Variants in BATF3 observed in about 807,000 individuals in gnomAD.
The protein encoded by BATF3 is basic leucine zipper ATF-like transcription factor 3.
BATF3 carries 8 observed loss-of-function variants against 16.1 expected under a neutral mutation model. The observed-to-expected ratio is 0.50, with a 90% confidence interval of 0.29 to 0.90. BATF3 has a LOEUF of 0.90. Among genes scored for constraint, BATF3 ranks in the 40% least tolerant of loss-of-function variants. BATF3 has a pLI of 0.08. For synonymous variants in BATF3, 74 were observed against 72.7 expected (o/e 1.02, Z -0.09); for missense variants, 139 against 167.0 (o/e 0.83, Z 0.92).
rs1451677675 is a variant in BATF3, at chr1:212,689,946, ACAGT to A, written c.196-2971_196-2968del. ...TCTCACACACATACACAATCAACAC[ACAGT>A]CACACAAACACTCTCACAGTCACAC... On this transcript the variant is annotated intron_variant, in intron 2 of 2. Transcript: ENST00000243440. This position sits in a 1 kb window ranked among gnomAD's most constrained non-coding sequence, Gnocchi z 4.6. Among the ~76,000 whole-genome samples, 2 of 151,116 alleles carry A rather than the reference ACAGT, an allele frequency of 1.3e-5. No individual in the cohort carries two copies. The highest frequency in any genetic ancestry group is 2.9e-5 in the Non-Finnish European group (2 of 67,890).
At chr1:212,692,779 C>A (rs745544234) in intron 2 of BATF3, among the ~76,000 whole-genome samples, 2 of 152,178 alleles carry the variant, frequency 1.3e-5, no homozygotes, top group Non-Finnish European at 2.9e-5. Flanking sequence ...AAATATCCCC[C>A]CTCAGGATAT....
At chr1:212,695,834 G>A (rs568842529) in intron 2 of BATF3, among the ~76,000 whole-genome samples, 1 of 152,328 alleles carries the variant, frequency 6.6e-6, no homozygotes, top group African/African-American at 2.4e-5. Flanking sequence ...TATGCATGAG[G>A]GCGGAGGGAA....
At position 212,689,487 on chromosome 1, in the gene BATF3, T is replaced by C. The variant is rs1294837099; in HGVS notation, c.196-2508A>G. 6.6e-6 allele frequency among the ~76,000 whole-genome samples: 1 copy of C among 152,148 alleles called. No individual in the cohort carries two copies. The highest frequency in any genetic ancestry group is 1.5e-5 in the Non-Finnish European group (1 of 68,028). ...TGGCCCCATTCTGCCTCTATCCTCC[T>C]CCCTGCCTCCCACTCCCAAGCCTTC... is the stretch of plus-strand genomic sequence containing the variant. On this transcript the variant is annotated intron_variant, in intron 2 of 2. Transcript: ENST00000243440. This position sits in a 1 kb window ranked among gnomAD's most constrained non-coding sequence, Gnocchi z 4.6.
Position 212,699,042 on chromosome 1 carries a change from G to C in BATF3, c.90+631C>G, listed in dbSNP as rs922214748. 2.6e-5 allele frequency among the ~76,000 whole-genome samples: 4 copies of C among 152,242 alleles called. No individual in the cohort carries two copies. On this transcript the variant is annotated intron_variant, in intron 1 of 2. Transcript: ENST00000243440. The surrounding 1 kb of genome is among the most constrained non-coding windows in gnomAD (Gnocchi z 4.4). Reference sequence around the variant, plus strand: ...AGGATGAAAAGACCCAGTCTTCGTCGTAAGGCAGGTGGCCAAGACCCAGGC... The same window carrying C: ...AGGATGAAAAGACCCAGTCTTCGTCCTAAGGCAGGTGGCCAAGACCCAGGC...
In BATF3 at chr1:212,697,077, C is replaced by A. The variant is rs1558022173; in HGVS notation, c.91-12G>T. ...TCATCCTCAGGGCTCTGGGGAAAAA[C>A]ACTGGGTGGGTGTGATGTCGTGGCC... On this transcript the variant is annotated splice_polypyrimidine_tract_variant and intron_variant, in intron 1 of 2. Transcript: ENST00000243440. 3 of 1,609,176 alleles carry A rather than the reference C, an allele frequency of 1.9e-6. No homozygotes were observed. Among genetic ancestry groups the A allele is most frequent in the South Asian group, 2.2e-5 (2 of 90,996 alleles).
In BATF3 at chr1:212,699,784, G is replaced by C. The variant is rs1345715930; in HGVS notation, c.-22C>G. 1.4e-4 allele frequency: 168 copies of C among 1,180,350 alleles called. No individual in the cohort carries two copies. The highest frequency in any genetic ancestry group is 1.6e-4 in the Non-Finnish European group (153 of 955,578). The allele number at this position is 1,180,350 out of a possible 1,614,324, so 73.1% of individuals were successfully genotyped here. On this transcript the variant is annotated 5_prime_UTR_variant, in exon 1 of 3. Coordinates refer to ENST00000243440, the MANE Select transcript of BATF3 (RefSeq NM_018664.3). The surrounding 1 kb of genome is among the most constrained non-coding windows in gnomAD (Gnocchi z 4.4). ...ACATGCCGGGCGCTCCTCTGGCCCG[G>C]CCCGCCCCGCCCCGCCCGCGCGCCC... is the stretch of plus-strand genomic sequence containing the variant.
chr1:212,688,423 T>C (rs975545038), intron 2 of BATF3, among the ~76,000 whole-genome samples: 5 of 152,266 alleles, frequency 3.3e-5, no homozygotes, highest in Non-Finnish European at 7.3e-5. Flanking sequence ...TCTCTGAGCC[T>C]GCAGAGAAAT....
intron 1 of BATF3, 110 bp from the exon 2 acceptor site, chr1:212,697,175 T>A: frequency 1.2e-6 from 1 of 815,800 alleles, no homozygotes; most frequent in Non-Finnish European, 2.0e-6. Flanking sequence ...TGCTTTGCAG[T>A]AGACAGCACC....
chr1:212,693,477 T>C (rs1657050245), intron 2 of BATF3, among the ~76,000 whole-genome samples: 1 of 152,166 alleles, frequency 6.6e-6, no homozygotes, highest in Admixed American at 6.5e-5. Context: ...GCTGAGGTGA[T>C]CTGCCAGTGG....
At chr1:212,687,720 G>A (rs1314828994) in intron 2 of BATF3, among the ~76,000 whole-genome samples, 1 of 151,966 alleles carries the variant, frequency 6.6e-6, no homozygotes. Context: ...AAGGCCAGGA[G>A]TTTGAGACCA....
chr1:212,695,829 A>C (rs1657114264), intron 2 of BATF3, among the ~76,000 whole-genome samples: 1 of 152,212 alleles, frequency 6.6e-6, no homozygotes, highest in Non-Finnish European at 1.5e-5. Context: ...AGGTGTATGC[A>C]TGAGGGCGGA....
Position 212,699,612 on chromosome 1 carries a change from G to GC in BATF3, c.90+60dup. On this transcript the variant is annotated intron_variant, in intron 1 of 2. Coordinates refer to ENST00000243440, the MANE Select transcript of BATF3 (RefSeq NM_018664.3). The surrounding 1 kb of genome is among the most constrained non-coding windows in gnomAD (Gnocchi z 4.4). ...ACGGAACTCCAGCACCCACCTCCTC[G>GC]CCCCCCGCGGCGCGCCGGTCCCCGC... 4.9e-6 allele frequency: 6 copies of GC among 1,227,232 alleles called. No homozygotes were observed. The highest frequency in any genetic ancestry group is 5.1e-6 in the Non-Finnish European group (5 of 974,270). 76.0% of individuals were successfully genotyped at this position (1,227,232 alleles called of 1,614,324 possible). A position where few individuals can be genotyped will look rare whatever the true frequency, so the allele number is the denominator to read the frequency against.
intron 2 of BATF3, among the ~76,000 whole-genome samples, chr1:212,693,087 G>T (rs1244028836): frequency 3.3e-5 from 5 of 152,170 alleles, no homozygotes; most frequent in Non-Finnish European, 5.9e-5. Context: ...TGTGCAAGGC[G>T]CTCTGTGCTC....
At position 212,697,061 on chromosome 1, in the gene BATF3, G is replaced by A. The variant is rs1571837097; in HGVS notation, c.95C>T (p.Pro32Leu). The A allele has an allele frequency of 1.2e-6, 2 of 1,613,890 alleles. No homozygotes were observed. The highest frequency in any genetic ancestry group is 1.7e-6 in the Non-Finnish European group (2 of 1,179,858). ...TCGGACCTTCCTGTCATCATCCTCA[G>A]GGCTCTGGGGAAAAACACTGGGTGG... ...QPQPQPQQQSPEDDDRKVRRR... is the reference protein window; with the variant it reads ...QPQPQPQQQSLEDDDRKVRRR... The change falls in exon 2 of 3, where the codon CCT (proline) becomes CTT (leucine). Residue 32 changes from proline to leucine, a missense_variant. By Grantham distance (98) the Pro-to-Leu change is moderately conservative. Coordinates refer to ENST00000243440, the MANE Select transcript of BATF3 (RefSeq NM_018664.3).
chr1:212,693,501 C>G (rs985104905), intron 2 of BATF3, among the ~76,000 whole-genome samples: 3 of 152,158 alleles, frequency 2.0e-5, no homozygotes, highest in African/African-American at 7.2e-5. Context: ...GTAATCCTGA[C>G]CCATTCCTTC....
At position 212,687,996 on chromosome 1, in the gene BATF3, A is replaced by AAGG. The variant is rs1656892447; in HGVS notation, c.196-1018_196-1017insCCT. Among the ~76,000 whole-genome samples the AAGG allele has an allele frequency of 1.7e-4, 17 of 101,336 alleles. No homozygotes were observed. The East Asian group carries it at 3.7e-3, about 22-fold the overall frequency. The allele number at this position is 101,336 out of a possible 152,430, so 66.5% of individuals were successfully genotyped here. A position where few individuals can be genotyped will look rare whatever the true frequency, so the allele number is the denominator to read the frequency against. On this transcript the variant is annotated intron_variant, in intron 2 of 2. Coordinates refer to ENST00000243440, the MANE Select transcript of BATF3 (RefSeq NM_018664.3). ...GAAAGAAAGAAAGAAAGAAAGAAAG[A>AAGG]AAGGAAGGAAGGAAGGAAGGAAGGA...
rs904320300 is a variant in BATF3, at chr1:212,699,376, A to T, written c.90+297T>A. Among the ~76,000 whole-genome samples the T allele has an allele frequency of 6.6e-6, 1 of 151,904 alleles. No individual in the cohort carries two copies. Among genetic ancestry groups the T allele is most frequent in the East Asian group, 1.9e-4 (1 of 5,152 alleles). On this transcript the variant is annotated intron_variant, in intron 1 of 2. Coordinates refer to ENST00000243440, the MANE Select transcript of BATF3 (RefSeq NM_018664.3). This position sits in a 1 kb window ranked among gnomAD's most constrained non-coding sequence, Gnocchi z 4.4. ...GTGCGGAGCCCACGTGCCGGGGAGCACCGGCCATGCCCGGCCCAGCCAGGC... is the reference window on the plus strand; with the variant it reads ...GTGCGGAGCCCACGTGCCGGGGAGCTCCGGCCATGCCCGGCCCAGCCAGGC...
Position 212,689,619 on chromosome 1 carries a change from T to C in BATF3, c.196-2640A>G, listed in dbSNP as rs1004244039. On this transcript the variant is annotated intron_variant, in intron 2 of 2. Coordinates refer to ENST00000243440, the MANE Select transcript of BATF3 (RefSeq NM_018664.3). This position sits in a 1 kb window ranked among gnomAD's most constrained non-coding sequence, Gnocchi z 4.6. ...CAAGGGGAGAGTCTGGATGGGAGGA[T>C]GGGATGGAAGCCAGGGCGTCAAGGG... is the stretch of plus-strand genomic sequence containing the variant. 6.6e-6 allele frequency among the ~76,000 whole-genome samples: 1 copy of C among 152,038 alleles called. No individual in the cohort carries two copies. Among genetic ancestry groups the C allele is most frequent in the African/African-American group, 2.4e-5 (1 of 41,396 alleles).
intron 2 of BATF3, among the ~76,000 whole-genome samples, chr1:212,694,906 C>T (rs1417575479): frequency 6.6e-6 from 1 of 152,222 alleles, no homozygotes; most frequent in African/African-American, 2.4e-5. Flanking sequence ...TTATGCCACA[C>T]TGTGAATTTA....
Sources: gnomAD v4.1 joint callset for allele counts (sites outside exome capture counted in the v4.1 genomes callset) on GRCh38, gnomAD v4.1.1 for gene constraint, Gnocchi (gnomAD v3.1) non-coding constraint, MANE v1.5 for transcripts, NCBI Gene and HGNC (gene_info 2026-07-23, HGNC 2026-07-21) for gene names.